The following SLC39A4 variants were observed in gnomAD, a reference collection of about 807,000 sequenced individuals.
SLC39A4 encodes the protein solute carrier family 39 member 4.
In SLC39A4, 49 loss-of-function variants were observed where a neutral mutation model predicts 56.6. The ratio of observed to expected loss-of-function variants is 0.87; its 90% CI spans 0.69 to 1.10. The LOEUF is 1.10. Among genes scored for constraint, SLC39A4 ranks in the 50% least tolerant of loss-of-function variants. The pLI is 0.00. For missense variants in SLC39A4, 993 were observed against 864.2 expected (o/e 1.15, Z -1.87); for synonymous variants, 540 against 420.4 (o/e 1.28, Z -3.48).
Position 144,412,908 on chromosome 8 carries a change from G to T in SLC39A4, c.1666C>A (p.Arg556Ser). ...GCCAGGTTCAGCAGCAGTGCTTGGC[G>T]CACGGACAGCCCCGCGTGCAGCAAG... The part of the protein sequence containing the change: ...AALLHAGLSV[R>S]QALLLNLASA... The change falls in exon 11 of 12, where the codon CGC becomes AGC. Residue 556 changes from arginine (R) to serine (S), a missense_variant. Coordinates refer to ENST00000301305, the MANE Select transcript of SLC39A4 (RefSeq NM_130849.4). 6.2e-7 allele frequency: 1 copy of T among 1,608,198 alleles called. No homozygotes were observed. The highest frequency in any genetic ancestry group is 1.1e-5 in the South Asian group (1 of 90,858).
At position 144,414,011 on chromosome 8, in the gene SLC39A4, C is replaced by T. The variant is rs781956407; in HGVS notation, c.1234G>A (p.Ala412Thr). The change falls in exon 7 of 12, where the codon GCC (alanine) becomes ACC (threonine). Residue 412 changes from alanine (A) to threonine (T), a missense_variant. Coordinates refer to ENST00000301305, the MANE Select transcript of SLC39A4 (RefSeq NM_130849.4). Reference sequence around the variant, plus strand: ...AAGAGGTTCTCAAACAGGAAGAAGGCGTAGAGCCCGGCCAGCATAGCCAGG... The same window carrying T: ...AAGAGGTTCTCAAACAGGAAGAAGGTGTAGAGCCCGGCCAGCATAGCCAGG... ...RLLAMLAGLY[A>T]FFLFENLFNL... The T allele has an allele frequency of 5.0e-6, 8 of 1,603,508 alleles. No homozygotes were observed. Among genetic ancestry groups the T allele is most frequent in the Admixed American group, 1.7e-5 (1 of 58,660 alleles).
chr8:144,413,144 C>CCCAT lies in SLC39A4; in HGVS notation c.1627+89_1627+92dup. ...CCCCACCCAGCCAGGTGCGGCCCCG[C>CCCAT]CCATCTTCCAGGCCCCGCCCACCTG... On this transcript the variant is annotated intron_variant, in intron 10 of 11. Transcript: ENST00000301305. The CCCAT allele has an allele frequency of 2.0e-6, 3 of 1,502,490 alleles. No individual in the cohort carries two copies. In the South Asian group the frequency reaches 3.6e-5, roughly 18 times the overall value. 93.1% of individuals were successfully genotyped at this position (1,502,490 alleles called of 1,614,324 possible).
In SLC39A4 at chr8:144,412,764, C is replaced by T; in HGVS notation, c.1810G>A (p.Asp604Asn). The T allele has an allele frequency of 3.7e-6, 6 of 1,613,236 alleles. No individual in the cohort carries two copies. Among genetic ancestry groups the T allele is most frequent in the Non-Finnish European group, 4.2e-6 (5 of 1,179,938 alleles). ...CCTCCCCTCGCCATCCTGACCATGT[C>T]GCAGAGTGCTACGTAGAGGAACAGG... ...TGLFLYVALCDMLPAMLKVRD... is the reference protein window; with the variant it reads ...TGLFLYVALCNMLPAMLKVRD... Residue 604 changes from aspartate (D) to asparagine (N), a missense_variant, in exon 11 of 12, where the codon GAC becomes AAC. Physicochemically the swap from Asp to Asn is conservative, Grantham distance 23. Transcript: ENST00000301305.
chr8:144,414,677 C>T lies in SLC39A4; in HGVS notation c.976+48G>A, dbSNP rs782429660. ...GGGCAGCCACTCCTTCCTTCCTACA[C>T]GGGCTCCACCTCTGTGCTGCCAGCA... On this transcript the variant is annotated intron_variant, in intron 5 of 11. Transcript: ENST00000301305. 88 of 1,603,520 alleles carry T rather than the reference C, an allele frequency of 5.5e-5. No individual in the cohort carries two copies. In the East Asian group the frequency reaches 7.2e-4, roughly 13 times the overall value.
chr8:144,412,862 G>A lies in SLC39A4; in HGVS notation c.1712C>T (p.Ala571Val), dbSNP rs868928841. Residue 571 changes from alanine to valine, a missense_variant, in exon 11 of 12, where the codon GCT (alanine) becomes GTT (valine). Ala to Val is a moderately conservative substitution (Grantham distance 64). Coordinates refer to ENST00000301305, the MANE Select transcript of SLC39A4 (RefSeq NM_130849.4). ...LNLASALTAF[A>V]GLYVALAVGV... is the part of the protein sequence containing the mutation. The stretch of plus-strand genomic sequence containing the variant: ...AACCGCGAGTGCCACGTAGAGACCA[G>A]CGAAGGCCGTGAGCGCGGAGGCCAG... 3 of 1,612,156 alleles carry A rather than the reference G, an allele frequency of 1.9e-6. No individual in the cohort carries two copies. In the African/African-American group the frequency reaches 4.0e-5, roughly 22 times the overall value.
At chr8:144,413,700 G>A in intron 8 of SLC39A4, 50 bp downstream of exon 8, 3 of 1,536,086 alleles carry the variant, frequency 2.0e-6, no homozygotes, top group Non-Finnish European at 2.6e-6. Flanking sequence ...CGTGGGAAGG[G>A]GTCGGTGGGA....
At position 144,413,789 on chromosome 8, in the gene SLC39A4, C is replaced by T; in HGVS notation, c.1380G>A (p.Arg460=). Residue 460 remains arginine (R), a synonymous_variant, in exon 8 of 12, where the codon CGG becomes CGA. Coordinates refer to ENST00000301305, the MANE Select transcript of SLC39A4 (RefSeq NM_130849.4). ...AGCCCTCGTGGGGGGGCTTGGGCTG[C>T]CGGAGCTCGCTGGGTGCCAGCTGCA... ...VSLQLAPSEL[R]QPKPPHEGSR... 3 of 1,552,726 alleles carry T rather than the reference C, an allele frequency of 1.9e-6. No homozygotes were observed. The highest frequency in any genetic ancestry group is 2.6e-6 in the Non-Finnish European group (3 of 1,154,644).
chr8:144,413,275 G>A lies in SLC39A4; in HGVS notation c.1589C>T (p.Ser530Leu), dbSNP rs1417863674. The A allele has an allele frequency of 3.1e-6, 5 of 1,596,758 alleles. No homozygotes were observed. The highest frequency in any genetic ancestry group is 3.4e-6 in the Non-Finnish European group (4 of 1,175,988). ...CAACTCGTGGCAGAACACGGCCAGC[G>A]AGGTGGCCAGCCCGGTCTTCCAGGA... ...ASSWKTGLAT[S>L]LAVFCHELPH... Residue 530 changes from serine to leucine, a missense_variant, in exon 10 of 12, where the codon TCG (serine) becomes TTG (leucine). Transcript: ENST00000301305.
Position 144,412,620 on chromosome 8 carries a change from A to AAGAG in SLC39A4, c.1858_1861dup (p.Phe621SerfsTer25), listed in dbSNP as rs1554871826. 1 of 1,614,122 alleles carries AAGAG rather than the reference A, an allele frequency of 6.2e-7. No homozygotes were observed. The highest frequency in any genetic ancestry group is 8.5e-7 in the Non-Finnish European group (1 of 1,180,022). On this transcript the variant is annotated frameshift_variant, in exon 12 of 12. Transcript: ENST00000301305. LOFTEE classifies it high-confidence loss of function. Reference sequence around the variant, plus strand: ...CAGCAGGCCCACGTTGTGCAGCAGGAAGAGGAGCCAGGGCCGCGGGTCCCG... The same window carrying AAGAG: ...CAGCAGGCCCACGTTGTGCAGCAGGAAGAGAGAGGAGCCAGGGCCGCGGGTCCCG...
chr8:144,413,780 C>G lies in SLC39A4; in HGVS notation c.1389G>C (p.Lys463Asn), dbSNP rs782664450. Residue 463 changes from lysine to asparagine, a missense_variant, in exon 8 of 12, where the codon AAG becomes AAC. Coordinates refer to ENST00000301305, the MANE Select transcript of SLC39A4 (RefSeq NM_130849.4). ...QLAPSELRQP[K>N]PPHEGSRADL... ...CTGCGCGGGAGCCCTCGTGGGGGGG[C>G]TTGGGCTGCCGGAGCTCGCTGGGTG... 6 of 1,546,808 alleles carry G rather than the reference C, an allele frequency of 3.9e-6. No homozygotes were observed. The African/African-American group carries it at 8.1e-5, about 21-fold the overall frequency.
chr8:144,414,516 G>A, intron 5 of SLC39A4, 82 bp from the exon 6 acceptor site: 1 of 1,541,582 alleles, frequency 6.5e-7, no homozygotes, highest in Non-Finnish European at 8.8e-7. Context: ...CAGAGCTGCA[G>A]GCCGTCAGTG....
Position 144,416,700 on chromosome 8 carries a change from G to A in SLC39A4, c.90C>T (p.Ser30=), listed in dbSNP as rs1554874155. The change falls in exon 1 of 12, where the codon AGC becomes AGT. Residue 30 remains serine (S), a synonymous_variant. Transcript: ENST00000301305. ...GAGCGCCCTGGCCAGAGGTGAGCAG[G>A]CTCAGCAGACCAGCAGGCGGGGACG... ...ATASPPAGLL[S]LLTSGQGALD... 1.2e-6 allele frequency: 2 copies of A among 1,612,592 alleles called. No homozygotes were observed. The highest frequency in any genetic ancestry group is 4.5e-5 in the East Asian group (2 of 44,872).
chr8:144,413,583 A>G lies in SLC39A4; in HGVS notation c.1420-16T>C. 1.3e-6 allele frequency: 2 copies of G among 1,550,490 alleles called. No homozygotes were observed. The highest frequency in any genetic ancestry group is 1.4e-5 in the African/African-American group (1 of 73,194). The stretch of plus-strand genomic sequence containing the variant: ...CCTCCGCCACCTGGGAGGAGCCTTG[A>G]GTAAGTCCCGCCCGGAAGTGGAGGA... On this transcript the variant is annotated splice_polypyrimidine_tract_variant and intron_variant, in intron 8 of 11. Coordinates refer to ENST00000301305, the MANE Select transcript of SLC39A4 (RefSeq NM_130849.4).
At position 144,412,502 on chromosome 8, in the gene SLC39A4, G is replaced by T. The variant is rs782726592; in HGVS notation, c.*36C>A. ...TGGGCTGTAGGTTTGTGAGGTGTGG[G>T]ATCTTAAGTCAAAGGTGGGGGACTA... On this transcript the variant is annotated 3_prime_UTR_variant, in exon 12 of 12. Coordinates refer to ENST00000301305, the MANE Select transcript of SLC39A4 (RefSeq NM_130849.4). 6.2e-7 allele frequency: 1 copy of T among 1,614,060 alleles called. No individual in the cohort carries two copies. Among genetic ancestry groups the T allele is most frequent in the Admixed American group, 1.7e-5 (1 of 60,034 alleles).
chr8:144,416,234 C>A, intron 1 of SLC39A4, 143 bp from the exon 2 acceptor site: 1 of 1,579,256 alleles, frequency 6.3e-7, no homozygotes, highest in East Asian at 2.3e-5. Context: ...GGCGCCCTTC[C>A]GTCTCCCCAG....
Position 144,414,054 on chromosome 8 carries a change from T to C in SLC39A4, c.1191A>G (p.Pro397=), listed in dbSNP as rs4527921. The change falls in exon 7 of 12, where the codon CCA becomes CCG. Residue 397 remains proline, a synonymous_variant. Coordinates refer to ENST00000301305, the MANE Select transcript of SLC39A4 (RefSeq NM_130849.4). ...TAGCCAGGAGGCGCCAGGTGGGCTG[T>C]GGGCTGAGGCCCTCTTCGCTGTGTG... is the stretch of plus-strand genomic sequence containing the variant. ...LHTHSEEGLS[P]QPTWRLLAML... The C allele has an allele frequency of 1.7e-5, 27 of 1,572,864 alleles. No individual in the cohort carries two copies. Among genetic ancestry groups the C allele is most frequent in the Non-Finnish European group, 2.3e-5 (27 of 1,159,204 alleles).
intron 10 of SLC39A4, 95 bp from the exon 11 acceptor site, chr8:144,413,041 A>T (rs1444261417): frequency 1.7e-6 from 2 of 1,188,714 alleles, no homozygotes; most frequent in Non-Finnish European, 2.1e-6. Context: ...GGCCCCGCCC[A>T]CCTGTTCCCG....
At position 144,412,608 on chromosome 8, in the gene SLC39A4, T is replaced by C. The variant is rs1821923880; in HGVS notation, c.1874A>G (p.Asn625Ser). Residue 625 changes from asparagine to serine, a missense_variant, in exon 12 of 12, where the codon AAC becomes AGC. Transcript: ENST00000301305. Reference sequence around the variant, plus strand: ...GGTCCAGCCGCCCAGCAGGCCCACGTTGTGCAGCAGGAAGAGGAGCCAGGG... The same window carrying C: ...GGTCCAGCCGCCCAGCAGGCCCACGCTGTGCAGCAGGAAGAGGAGCCAGGG... Reference protein sequence around the residue: ...PRPWLLFLLHNVGLLGGWTVL... With the variant: ...PRPWLLFLLHSVGLLGGWTVL... The C allele has an allele frequency of 1.9e-6, 3 of 1,613,980 alleles. No individual in the cohort carries two copies. The highest frequency in any genetic ancestry group is 1.3e-5 in the African/African-American group (1 of 74,912).
At position 144,413,526 on chromosome 8, in the gene SLC39A4, C is replaced by A; in HGVS notation, c.1461G>T (p.Arg487Ser). The part of the protein sequence containing the change: ...ESPELLNPEP[R>S]RLSPELRLLP... ...CCCTGGGCTCACCTGGGCTCAGTCTCCTGGGCTCAGGGTTCAGCAGCTCCG... is the reference window on the plus strand; with the variant it reads ...CCCTGGGCTCACCTGGGCTCAGTCTACTGGGCTCAGGGTTCAGCAGCTCCG... Residue 487 changes from arginine (R) to serine (S), a missense_variant, in exon 9 of 12, where the codon AGG becomes AGT. By Grantham distance (110) the Arg-to-Ser change is moderately radical. Coordinates refer to ENST00000301305, the MANE Select transcript of SLC39A4 (RefSeq NM_130849.4). The A allele has an allele frequency of 6.4e-7, 1 of 1,556,866 alleles. No individual in the cohort carries two copies. The highest frequency in any genetic ancestry group is 1.4e-5 in the African/African-American group (1 of 73,566).
Sources: allele counts gnomAD v4.1 joint callset, GRCh38; gene constraint gnomAD v4.1.1; transcripts MANE v1.5; gene names NCBI Gene and HGNC (gene_info 2026-07-23, HGNC 2026-07-21).